DNAAF9: variants seen among roughly 807,000 people sequenced by gnomAD.
DNAAF9 encodes dynein axonemal assembly factor 9.
In DNAAF9, 90 loss-of-function variants were observed where a neutral mutation model predicts 167.0. The ratio of observed to expected loss-of-function variants is 0.54; its 90% CI spans 0.45 to 0.64. The LOEUF (loss-of-function observed/expected upper bound fraction) is 0.64. Ranked by LOEUF, DNAAF9 falls within the 30% of genes least tolerant of loss-of-function variation. The pLI is 0.00. For missense variants in DNAAF9, 1,315 were observed against 1,442.2 expected (o/e 0.91, Z 1.43); for synonymous variants, 491 against 508.8 (o/e 0.96, Z 0.47).
intron 1 of DNAAF9, among the ~76,000 whole-genome samples, chr20:3,396,296 T>C (rs1359159655): frequency 6.6e-6 from 1 of 152,252 alleles, no homozygotes; most frequent in Middle Eastern, 3.2e-3. Context: ...AGTTTTCCAG[T>C]TAGTAAATCA....
At chr20:3,294,309 G>C (rs202010720) in intron 24 of DNAAF9, 53 bp from the exon 25 acceptor site, 101 of 1,201,170 alleles carry the variant, frequency 8.4e-5, no homozygotes, top group South Asian at 1.1e-4. Flanking sequence ...TGTCCTGAAG[G>C]TGCCTACTCA....
chr20:3,293,666 C>CAAAAAAAA (rs71195830), intron 25 of DNAAF9, among the ~76,000 whole-genome samples: 1 of 85,598 alleles, frequency 1.2e-5, no homozygotes, highest in African/African-American at 4.2e-5. Flanking sequence ...GCCTGGGTGA[C>CAAAAAAAA]AAAAAAAAAA....
At chr20:3,387,066 C>T (rs772009957) in intron 1 of DNAAF9, among the ~76,000 whole-genome samples, 2 of 152,078 alleles carry the variant, frequency 1.3e-5, no homozygotes, top group East Asian at 1.9e-4. Flanking sequence ...TAGACAATAT[C>T]GTTAAGCTGT....
At chr20:3,354,418 T>C (rs1161900854) in intron 7 of DNAAF9, among the ~76,000 whole-genome samples, 5 of 152,196 alleles carry the variant, frequency 3.3e-5, no homozygotes, top group South Asian at 2.1e-4. Context: ...AGGACAAAGA[T>C]ACTGAACTTC....
chr20:3,296,268 G>A (rs984737799), intron 23 of DNAAF9: 7 of 429,876 alleles, frequency 1.6e-5, no homozygotes, highest in Non-Finnish European at 2.7e-5. Context: ...GACACTGGGC[G>A]CCCCCCAAGA....
intron 21 of DNAAF9, among the ~76,000 whole-genome samples, chr20:3,299,630 A>G (rs1443984333): frequency 1.3e-5 from 2 of 152,190 alleles, no homozygotes; most frequent in Non-Finnish European, 2.9e-5. Flanking sequence ...CCATTAGTTA[A>G]AAAGACTGTC....
In DNAAF9 at chr20:3,401,267, G is replaced by A. The variant is rs139498340; in HGVS notation, c.83+6208C>T. On this transcript the variant is annotated intron_variant, in intron 1 of 36. Transcript: ENST00000252032. ...GTTGCCCAGGCTGGAGTGCAGTGGC[G>A]CGATCTCAGCTCACTGTAACCTCTG... Among the ~76,000 whole-genome samples, 1,308 of 151,906 alleles carry A rather than the reference G, an allele frequency of 8.6e-3. 23 individuals carry two copies. Among genetic ancestry groups the A allele is most frequent in the African/African-American group, 0.03 (1,263 of 41,420 alleles).
At chr20:3,325,536 G>C (rs2069695196) in intron 13 of DNAAF9, among the ~76,000 whole-genome samples, 1 of 152,192 alleles carries the variant, frequency 6.6e-6, no homozygotes, top group South Asian at 2.1e-4. Context: ...ATGGCAAGGA[G>C]CTGGTGACTA....
chr20:3,374,120 C>A lies in DNAAF9; in HGVS notation c.540G>T (p.Glu180Asp). Reference sequence around the variant, plus strand: ...CAAAGGCCTGTACAATTGGCCATTTCTCCACCACAAACATATCAAATATCT... The same window carrying A: ...CAAAGGCCTGTACAATTGGCCATTTATCCACCACAAACATATCAAATATCT... Reference protein sequence around the residue: ...HLQIFDMFVVEKWPIVQAFAL... With the variant: ...HLQIFDMFVVDKWPIVQAFAL... Residue 180 changes from glutamate (E) to aspartate (D), a missense_variant, in exon 6 of 37, where the codon GAG becomes GAT. Coordinates refer to ENST00000252032, the MANE Select transcript of DNAAF9 (RefSeq NM_001009984.3). 1 of 1,613,548 alleles carries A rather than the reference C, an allele frequency of 6.2e-7. No individual in the cohort carries two copies. Among genetic ancestry groups the A allele is most frequent in the Non-Finnish European group, 8.5e-7 (1 of 1,179,432 alleles).
chr20:3,318,514 G>GC, intron 16 of DNAAF9, 114 bp from the exon 17 acceptor site: 1 of 608,356 alleles, frequency 1.6e-6, no homozygotes, highest in Non-Finnish European at 3.0e-6. Flanking sequence ...GAGTACTGAA[G>GC]AGTTTCTAGG....
At chr20:3,397,592 A>G (rs1243028649) in intron 1 of DNAAF9, among the ~76,000 whole-genome samples, 1 of 152,214 alleles carries the variant, frequency 6.6e-6, no homozygotes. Context: ...TGCTGGGATT[A>G]CAGGCGTGAG....
intron 1 of DNAAF9, among the ~76,000 whole-genome samples, chr20:3,391,576 TTC>T (rs1232130343): frequency 3.4e-3 from 354 of 102,786 alleles, no homozygotes; most frequent in African/African-American, 0.014. Context: ...TCTTTTTTCC[TTC>T]TTTTTTTTTT....
At position 3,252,056 on chromosome 20, in the gene DNAAF9, C is replaced by T. The variant is rs548510639; in HGVS notation, c.*516G>A. On this transcript the variant is annotated 3_prime_UTR_variant, in exon 37 of 37. Transcript: ENST00000252032. ...GCTGCTCCTCCCAGGACTGGGCCCA[C>T]GGCCAGTACGGCCAGCTCCTTCAGG... 2.8e-4 allele frequency: 43 copies of T among 155,674 alleles called. No homozygotes were observed. The highest frequency in any genetic ancestry group is 9.1e-4 in the African/African-American group (38 of 41,610). The allele number at this position is 155,674 out of a possible 1,614,324, so 9.6% of individuals were successfully genotyped here. A position where few individuals can be genotyped will look rare whatever the true frequency, so the allele number is the denominator to read the frequency against.
chr20:3,405,774 A>G (rs575218824), intron 1 of DNAAF9, among the ~76,000 whole-genome samples: 1 of 152,208 alleles, frequency 6.6e-6, no homozygotes, highest in African/African-American at 2.4e-5. Context: ...CCCCCTAAAG[A>G]TCTCAACAGA....
At position 3,252,586 on chromosome 20, in the gene DNAAF9, C is replaced by G; in HGVS notation, c.3520G>C (p.Glu1174Gln). The stretch of plus-strand genomic sequence containing the variant: ...CCAGCCTTCCTCTAGGGCTTCAGCT[C>G]AAAGAGGTCATGATACTCCTGCTGT... ...LEQQEYHDLF[E>Q]LKP The change falls in exon 37 of 37, where the codon GAG becomes CAG. Residue 1174 changes from glutamate to glutamine, a missense_variant. This residue lies in a region of DNAAF9 where 334 missense variants were observed against 429.7 expected (regional missense o/e 0.78). Transcript: ENST00000252032. The G allele has an allele frequency of 6.3e-7, 1 of 1,599,474 alleles. No homozygotes were observed. The highest frequency in any genetic ancestry group is 1.1e-5 in the South Asian group (1 of 90,796).
intron 7 of DNAAF9, among the ~76,000 whole-genome samples, chr20:3,351,834 TTTTA>T (rs3082553): frequency 0.52 from 76,464 of 146,002 alleles, 19,458 homozygotes; most frequent in Middle Eastern, 0.62. Context: ...GTTTGTGTTA[TTTTA>T]TTTATTTATT....
chr20:3,284,909 C>T (rs998566264), intron 27 of DNAAF9, among the ~76,000 whole-genome samples: 2 of 151,476 alleles, frequency 1.3e-5, no homozygotes, highest in African/African-American at 4.9e-5. Flanking sequence ...TCAATTTTAC[C>T]ACCTGTGTAG....
rs1471577248 is a variant in DNAAF9, at chr20:3,324,901, G to T, written c.1256C>A (p.Ala419Glu). The T allele has an allele frequency of 6.3e-7, 1 of 1,587,930 alleles. No individual in the cohort carries two copies. The highest frequency in any genetic ancestry group is 1.3e-5 in the African/African-American group (1 of 74,546). Residue 419 changes from alanine (A) to glutamate (E), a missense_variant, in exon 14 of 37, where the codon GCA (alanine) becomes GAA (glutamate). Ala to Glu is a moderately radical substitution (Grantham distance 107). Coordinates refer to ENST00000252032, the MANE Select transcript of DNAAF9 (RefSeq NM_001009984.3). ...LDSFELIPFK[A>E]ALRSKMTFHI... ...ATCAGCCATTGCTTACCGCAGGGCT[G>T]CCTTAAACGGAATCAACTCAAAGGA...
At chr20:3,402,604 A>T (rs1385129046) in intron 1 of DNAAF9, among the ~76,000 whole-genome samples, 1 of 150,410 alleles carries the variant, frequency 6.6e-6, no homozygotes, top group Non-Finnish European at 1.5e-5. Flanking sequence ...TTGACACAGG[A>T]TCTCACTCTG....
Sources: allele counts gnomAD v4.1 joint callset (sites outside exome capture counted in the v4.1 genomes callset), GRCh38; gene constraint gnomAD v4.1.1; regional missense constraint gnomAD v4.1.1; transcripts MANE v1.5; gene names NCBI Gene and HGNC (gene_info 2026-07-23, HGNC 2026-07-21).